The following MYH11 variants were observed in gnomAD, a reference collection of about 807,000 sequenced individuals.
MYH11 encodes the protein myosin-11.
Under a neutral mutation model 246.6 loss-of-function variants are expected in MYH11, and 80 were observed. That is an observed-to-expected ratio of 0.32 (90% CI 0.27 to 0.39). MYH11 has a LOEUF of 0.39. MYH11 is among the 10% of genes least tolerant of loss of function. The pLI is 1.00. For missense variants in MYH11, 2,158 were observed against 2,546.8 expected (o/e 0.85, Z 3.29); for synonymous variants, 1,071 against 1,015.5 (o/e 1.05, Z -1.04).
intron 40 of MYH11, among the ~76,000 whole-genome samples, chr16:15,705,684 T>G (rs1435863656): frequency 2.6e-5 from 4 of 152,022 alleles, no homozygotes; most frequent in Non-Finnish European, 5.9e-5. Context: ...AATTCTTTAG[T>G]CAAAAGGAAC....
At chr16:15,725,751 C>T (rs1316980354) in intron 28 of MYH11, 1 of 398,606 alleles carries the variant, frequency 2.5e-6, no homozygotes, top group African/African-American at 2.1e-5. Flanking sequence ...AAACTTTGGC[C>T]ACGTCCCCAT....
intron 14 of MYH11, among the ~76,000 whole-genome samples, chr16:15,754,465 G>C (rs1207159879): frequency 6.6e-6 from 1 of 152,052 alleles, no homozygotes; most frequent in Non-Finnish European, 1.5e-5. Flanking sequence ...CAGGATAATA[G>C]GTAGGCTTGA....
chr16:15,825,643 A>G (rs2043542168), intron 2 of MYH11, among the ~76,000 whole-genome samples: 2 of 152,148 alleles, frequency 1.3e-5, no homozygotes, highest in Admixed American at 1.3e-4. Flanking sequence ...TTTATGTCAT[A>G]TGCACTTTAC....
intron 1 of MYH11, among the ~76,000 whole-genome samples, chr16:15,846,016 T>C (rs1480174176): frequency 1.3e-5 from 2 of 152,100 alleles, no homozygotes; most frequent in South Asian, 2.1e-4. Context: ...GGAGAATCAC[T>C]TGAACCCGGG....
chr16:15,720,645 G>A (rs1221700906), intron 33 of MYH11, among the ~76,000 whole-genome samples, 194 bp downstream of exon 33: 1 of 151,714 alleles, frequency 6.6e-6, no homozygotes, highest in Non-Finnish European at 1.5e-5. Flanking sequence ...CAAGCTACTC[G>A]GGAGGCTGAG....
At chr16:15,727,644 A>G (rs916902949) in intron 27 of MYH11, among the ~76,000 whole-genome samples, 1 of 152,208 alleles carries the variant, frequency 6.6e-6, no homozygotes, top group Non-Finnish European at 1.5e-5. Context: ...AATGTCACAT[A>G]AAAATCTGGA....
intron 36 of MYH11, 90 bp from the exon 37 acceptor site, chr16:15,718,528 C>T: frequency 6.7e-7 from 1 of 1,489,942 alleles, no homozygotes. Flanking sequence ...GGGGTATTGC[C>T]CTCATCATCT....
intron 3 of MYH11, among the ~76,000 whole-genome samples, chr16:15,813,644 C>T (rs574249212): frequency 6.6e-6 from 1 of 152,222 alleles, no homozygotes; most frequent in South Asian, 2.1e-4. Flanking sequence ...ATGCATTTAG[C>T]TCTCTTCCTT....
intron 4 of MYH11, among the ~76,000 whole-genome samples, chr16:15,788,212 C>G (rs1470665392): frequency 6.6e-6 from 1 of 151,418 alleles, no homozygotes; most frequent in African/African-American, 2.4e-5. Flanking sequence ...AAGATAAGGA[C>G]AGTGCCTTGA....
chr16:15,739,987 AT>A (rs2041225663), intron 23 of MYH11, 63 bp downstream of exon 23: 1 of 1,556,612 alleles, frequency 6.4e-7, no homozygotes, highest in Non-Finnish European at 8.8e-7. Flanking sequence ...AGTGATCCAC[AT>A]ACCTTGGCCT....
chr16:15,755,568 C>T (rs1338480962), intron 14 of MYH11, among the ~76,000 whole-genome samples: 2 of 152,146 alleles, frequency 1.3e-5, no homozygotes, highest in African/African-American at 2.4e-5. Context: ...GCAGGGAGAT[C>T]TCTTGAGCCC....
At chr16:15,717,400 C>CGTGCCTCTTCCTGAG (rs1433541178) in intron 37 of MYH11, 52 bp from the exon 38 acceptor site, 14 of 1,578,952 alleles carry the variant, frequency 8.9e-6, no homozygotes, top group Non-Finnish European at 1.2e-5. Context: ...CCCAAGAGAG[C>CGTGCCTCTTCCTGAG]GCACTGAGAC....
chr16:15,817,186 A>C (rs1338066224), intron 3 of MYH11, among the ~76,000 whole-genome samples: 2 of 152,148 alleles, frequency 1.3e-5, no homozygotes, highest in Non-Finnish European at 2.9e-5. Context: ...ATTTGTATGT[A>C]ACATCTTTCC....
At chr16:15,749,819 G>A (rs1259908123) in intron 16 of MYH11, 2 of 479,302 alleles carry the variant, frequency 4.2e-6, no homozygotes, top group African/African-American at 3.9e-5. Context: ...AACCCACAGG[G>A]AAGGGCTACA....
At chr16:15,723,049 A>C (rs1452218403) in intron 31 of MYH11, among the ~76,000 whole-genome samples, 3 of 152,152 alleles carry the variant, frequency 2.0e-5, no homozygotes, top group Non-Finnish European at 4.4e-5. Flanking sequence ...TGGCCTCTCA[A>C]ACTGATTTTT....
intron 40 of MYH11, among the ~76,000 whole-genome samples, chr16:15,707,497 G>A (rs1274797114): frequency 1.3e-5 from 2 of 152,134 alleles, no homozygotes; most frequent in African/African-American, 4.8e-5. Context: ...CAGCTGGTAG[G>A]AGAGCTGCTT....
intron 3 of MYH11, among the ~76,000 whole-genome samples, chr16:15,803,823 A>C (rs981120258): frequency 6.6e-6 from 1 of 152,180 alleles, no homozygotes; most frequent in Non-Finnish European, 1.5e-5. Flanking sequence ...CTCCAGGAGA[A>C]GGCCTGGGAG....
chr16:15,809,853 C>T (rs2043098743), intron 3 of MYH11, among the ~76,000 whole-genome samples: 1 of 148,184 alleles, frequency 6.7e-6, no homozygotes. Context: ...CCTGGAGAGG[C>T]TGAGGCTCAG....
In MYH11 at chr16:15,760,404, G is replaced by A. The variant is rs555398696; in HGVS notation, c.1248+136C>T. 15 of 780,046 alleles carry A rather than the reference G, an allele frequency of 1.9e-5. No homozygotes were observed. In the East Asian group the frequency reaches 3.0e-4, roughly 16 times the overall value. The allele number at this position is 780,046 out of a possible 1,614,324, so 48.3% of individuals were successfully genotyped here. A position where few individuals can be genotyped will look rare whatever the true frequency, so the allele number is the denominator to read the frequency against. Reference sequence around the variant, plus strand: ...CAGATGAATGAGTGGGTAGAAAGATGGATGGATGGACAGATGCAGAGGCAG... The same window carrying A: ...CAGATGAATGAGTGGGTAGAAAGATAGATGGATGGACAGATGCAGAGGCAG... On this transcript the variant is annotated intron_variant, in intron 11 of 40. Coordinates refer to ENST00000300036, the MANE Select transcript of MYH11 (RefSeq NM_002474.3).
Sources: gnomAD v4.1 joint callset for allele counts (sites outside exome capture counted in the v4.1 genomes callset) on GRCh38, gnomAD v4.1.1 for gene constraint, MANE v1.5 for transcripts, NCBI Gene and HGNC (gene_info 2026-07-23, HGNC 2026-07-21) for gene names.